The following NAA15 variants were observed in gnomAD, a reference collection of about 807,000 sequenced individuals.
The protein encoded by NAA15 is N-alpha-acetyltransferase 15, NatA auxiliary subunit.
Under a neutral mutation model 114.0 loss-of-function variants are expected in NAA15, and 34 were observed. The ratio of observed to expected loss-of-function variants is 0.30; its 90% CI spans 0.23 to 0.40. NAA15 has a LOEUF of 0.40. Ranked by LOEUF, NAA15 falls within the 10% of genes least tolerant of loss-of-function variation. The pLI is 1.00. For missense variants in NAA15, 658 were observed against 1,004.5 expected, an observed-to-expected ratio of 0.66 and a Z score of 4.66; for synonymous variants, 340 against 338.0, an observed-to-expected ratio of 1.01 and a Z score of -0.06.
intron 15 of NAA15, 152 bp from the exon 16 acceptor site, chr4:139,376,213 T>C (rs1236123825): frequency 5.8e-6 from 3 of 518,992 alleles, no homozygotes; most frequent in Non-Finnish European, 1.0e-5. Context: ...AAAATCCCCT[T>C]TTTTAGGTTA....
At chr4:139,327,376 A>G (rs947937240) in intron 1 of NAA15, among the ~76,000 whole-genome samples, 2 of 152,142 alleles carry the variant, frequency 1.3e-5, no homozygotes, top group Non-Finnish European at 1.5e-5. Context: ...CAGCCTCCCA[A>G]GTAGCTGGGA....
intron 18 of NAA15, among the ~76,000 whole-genome samples, chr4:139,385,288 A>ATAT (rs1553999094): frequency 2.0e-5 from 2 of 100,466 alleles, no homozygotes; most frequent in African/African-American, 7.0e-5. Flanking sequence ...TATATAATAT[A>ATAT]TATATATATA....
intron 15 of NAA15, 43 bp downstream of exon 15, chr4:139,370,447 G>T: frequency 6.8e-7 from 1 of 1,481,146 alleles, no homozygotes; most frequent in Non-Finnish European, 8.9e-7. Context: ...GACATTTTAT[G>T]ACCAGCTCTT....
At chr4:139,370,025 G>A (rs902908365) in intron 14 of NAA15, among the ~76,000 whole-genome samples, 186 bp from the exon 15 acceptor site, 15 of 152,074 alleles carry the variant, frequency 9.9e-5, no homozygotes, top group Admixed American at 3.9e-4. Flanking sequence ...GGCTGGTCTC[G>A]AACTCCTGAC....
chr4:139,389,904 G>A lies in NAA15; in HGVS notation c.*1820G>A, dbSNP rs1749008574. ...AAACCGAACTCCAGTGCTTTGTTAT[G>A]TTTTATTAACTGGCCCTGTCTCAGG... On this transcript the variant is annotated 3_prime_UTR_variant, in exon 20 of 20. Transcript: ENST00000296543. 6.6e-6 allele frequency: 1 copy of A among 152,570 alleles called. No individual in the cohort carries two copies. The highest frequency in any genetic ancestry group is 2.4e-5 in the African/African-American group (1 of 41,444). The allele number at this position is 152,570 out of a possible 1,614,324, so 9.5% of individuals were successfully genotyped here.
At chr4:139,384,729 TG>T in intron 17 of NAA15, 102 bp from the exon 18 acceptor site, 1 of 717,748 alleles carries the variant, frequency 1.4e-6, no homozygotes, top group Non-Finnish European at 2.0e-6. Flanking sequence ...TACTCCAGCC[TG>T]GGTGATAGAG....
intron 11 of NAA15, 107 bp downstream of exon 11, chr4:139,357,662 CA>C: frequency 1.4e-6 from 1 of 735,568 alleles, no homozygotes; most frequent in Non-Finnish European, 2.2e-6. Context: ...TTTGATAACT[CA>C]AAAAACATGA....
At chr4:139,359,392 G>T (rs1219377577) in intron 11 of NAA15, among the ~76,000 whole-genome samples, 1 of 152,124 alleles carries the variant, frequency 6.6e-6, no homozygotes, top group Non-Finnish European at 1.5e-5. Context: ...CTCCCAAAGT[G>T]CTGGGATTAC....
chr4:139,341,746 G>A (rs1259596992), intron 4 of NAA15, among the ~76,000 whole-genome samples: 2 of 149,622 alleles, frequency 1.3e-5, no homozygotes, highest in African/African-American at 4.9e-5. Context: ...GGAGACATTA[G>A]AGTCTCACTC....
chr4:139,348,273 G>A (rs1184817489), intron 6 of NAA15, among the ~76,000 whole-genome samples: 1 of 151,946 alleles, frequency 6.6e-6, no homozygotes, highest in Admixed American at 6.6e-5. Flanking sequence ...GGGCAAAATG[G>A]CGAAAACCCA....
intron 1 of NAA15, among the ~76,000 whole-genome samples, chr4:139,311,822 G>T (rs1746234636): frequency 6.6e-6 from 1 of 151,828 alleles, no homozygotes; most frequent in African/African-American, 2.4e-5. Flanking sequence ...AGAAGAGCTG[G>T]GCGCAGGGGT....
At chr4:139,385,573 C>T (rs1159787300) in intron 18 of NAA15, among the ~76,000 whole-genome samples, 1 of 152,020 alleles carries the variant, frequency 6.6e-6, no homozygotes. Flanking sequence ...TGCTAAACAC[C>T]TGAAATTATC....
rs2111013851 is a variant in NAA15 at position 139,388,134 on chromosome 4, A to G, written c.*50A>G. On this transcript the variant is annotated 3_prime_UTR_variant, in exon 20 of 20. Transcript: ENST00000296543. ...TGACTTTGGACCATATCTAGTATAT[A>G]ATATTTTTGTCACGCACCTGCTGCA... 6.5e-7 allele frequency: 1 copy of G among 1,532,472 alleles called. No homozygotes were observed. The highest frequency in any genetic ancestry group is 9.0e-7 in the Non-Finnish European group (1 of 1,116,658). 94.9% of individuals were successfully genotyped at this position (1,532,472 alleles called of 1,614,324 possible). A position where few individuals can be genotyped will look rare whatever the true frequency, so the allele number is the denominator to read the frequency against.
Position 139,378,747 on chromosome 4 carries a change from T to G in NAA15, c.2057-9T>G. ...TGATCAAAATATATCTTACTTTCTC[T>G]TTTTATAGAAAAGTTTCTTTTGATG... On this transcript the variant is annotated splice_polypyrimidine_tract_variant and intron_variant, in intron 16 of 19. Transcript: ENST00000296543. The G allele has an allele frequency of 2.0e-6, 3 of 1,531,852 alleles. No individual in the cohort carries two copies. Among genetic ancestry groups the G allele is most frequent in the Non-Finnish European group, 2.6e-6 (3 of 1,137,466 alleles). 94.9% of individuals were successfully genotyped at this position (1,531,852 alleles called of 1,614,324 possible). A position where few individuals can be genotyped will look rare whatever the true frequency, so the allele number is the denominator to read the frequency against.
At chr4:139,338,279 C>T (rs185053672) in intron 3 of NAA15, among the ~76,000 whole-genome samples, 44 of 152,280 alleles carry the variant, frequency 2.9e-4, no homozygotes, top group Non-Finnish European at 3.4e-4. Flanking sequence ...ATGATCCAAA[C>T]GGCTGAGAGG....
At chr4:139,308,218 C>G (rs1187849736) in intron 1 of NAA15, among the ~76,000 whole-genome samples, 1 of 152,146 alleles carries the variant, frequency 6.6e-6, no homozygotes, top group Non-Finnish European at 1.5e-5. Flanking sequence ...GCCTTGGCCT[C>G]CCTAAGTGCT....
At chr4:139,301,910 G>A (rs1266536147) in intron 1 of NAA15, 79 bp downstream of exon 1, 2 of 1,477,384 alleles carry the variant, frequency 1.4e-6, no homozygotes, top group African/African-American at 1.4e-5. Context: ...TCGGCCCGGC[G>A]GGCACTGAGC....
intron 8 of NAA15, 104 bp downstream of exon 8, chr4:139,351,390 G>C (rs1747773697): frequency 1.9e-6 from 2 of 1,041,202 alleles, no homozygotes; most frequent in Non-Finnish European, 2.9e-6. Flanking sequence ...GCTATACATT[G>C]TTAGAGTTGT....
At chr4:139,369,769 A>C (rs1748382731) in intron 14 of NAA15, among the ~76,000 whole-genome samples, 1 of 150,606 alleles carries the variant, frequency 6.6e-6, no homozygotes, top group East Asian at 1.9e-4. Context: ...GGCTACATAC[A>C]TATGGGGACA....
Sources: gnomAD v4.1 joint callset for allele counts (sites outside exome capture counted in the v4.1 genomes callset) on GRCh38, gnomAD v4.1.1 for gene constraint, MANE v1.5 for transcripts, NCBI Gene and HGNC (gene_info 2026-07-23, HGNC 2026-07-21) for gene names.